RBFOX2: variants seen among roughly 807,000 people sequenced by gnomAD.
The protein encoded by RBFOX2 is RNA binding protein fox-1 homolog 2.
Under a neutral mutation model 49.1 loss-of-function variants are expected in RBFOX2, and 10 were observed. The ratio of observed to expected loss-of-function variants is 0.20; its 90% CI spans 0.13 to 0.35. RBFOX2 has a LOEUF of 0.35. RBFOX2 is among the 10% of genes least tolerant of loss of function. The probability of loss-of-function intolerance (pLI) is 1.00; values close to 1 mark genes in which losing one functional copy is unlikely to be tolerated. For missense variants in RBFOX2, 323 were observed against 486.9 expected (o/e 0.66, Z 3.17); for synonymous variants, 183 against 187.4 (o/e 0.98, Z 0.19).
At chr22:35,996,668 T>C (rs2058207002) in intron 1 of RBFOX2, 2 of 151,260 alleles carry the variant, frequency 1.3e-5, no homozygotes, top group South Asian at 4.2e-4. Context: ...CAAGACACCT[T>C]TGACTTGAAT....
intron 9 of RBFOX2, among the ~76,000 whole-genome samples, chr22:35,754,194 C>T (rs1473151946): frequency 6.6e-6 from 1 of 150,746 alleles, no homozygotes; most frequent in Non-Finnish European, 1.5e-5. Context: ...CAGGTTCATG[C>T]CATTCTCCTA....
chr22:35,976,343 C>A (rs557600478), intron 1 of RBFOX2, among the ~76,000 whole-genome samples: 154 of 152,138 alleles, frequency 1.0e-3, no homozygotes, highest in African/African-American at 1.5e-3. Flanking sequence ...ACCACCCCCC[C>A]CTCTTAATTC....
In RBFOX2 at chr22:35,756,089, C is replaced by T. The variant is rs953845834; in HGVS notation, c.887+3799G>A. The stretch of plus-strand genomic sequence containing the variant: ...TCAGGGGATGGGGTCGAGAAGGCCC[C>T]AGTGTGTGTACTTACATAGAGGTCA... On this transcript the variant is annotated intron_variant, in intron 9 of 11. Transcript: ENST00000405409. 1.4e-6 allele frequency: 2 copies of T among 1,401,950 alleles called. No homozygotes were observed. The highest frequency in any genetic ancestry group is 9.4e-7 in the Non-Finnish European group (1 of 1,066,236). 86.8% of individuals were successfully genotyped at this position (1,401,950 alleles called of 1,614,324 possible). A position where few individuals can be genotyped will look rare whatever the true frequency, so the allele number is the denominator to read the frequency against.
intron 1 of RBFOX2, among the ~76,000 whole-genome samples, chr22:35,956,685 C>T (rs1020207232): frequency 3.9e-5 from 6 of 151,950 alleles, no homozygotes; most frequent in South Asian, 2.1e-4. Context: ...ATAAAACGTC[C>T]GAATACCATA....
upstream of RBFOX2, among the ~76,000 whole-genome samples, chr22:35,941,568 T>C (rs948018050): frequency 6.6e-6 from 1 of 152,176 alleles, no homozygotes; most frequent in African/African-American, 2.4e-5. Context: ...TGATTCCATA[T>C]TATTCCCTTA....
intron 1 of RBFOX2, among the ~76,000 whole-genome samples, chr22:35,866,603 G>A (rs915693654): frequency 1.3e-5 from 2 of 152,112 alleles, no homozygotes; most frequent in Admixed American, 1.3e-4. Context: ...AAGGTTGAAA[G>A]AAGCAAGAAA....
At chr22:35,857,587 G>C (rs1287197667) in intron 1 of RBFOX2, among the ~76,000 whole-genome samples, 3 of 152,198 alleles carry the variant, frequency 2.0e-5, no homozygotes, top group Non-Finnish European at 2.9e-5. Context: ...AGCTAGAGGA[G>C]AGGTCAGGGT....
chr22:35,875,766 C>T (rs561880218), intron 1 of RBFOX2, among the ~76,000 whole-genome samples: 7 of 151,878 alleles, frequency 4.6e-5, no homozygotes, highest in African/African-American at 7.3e-5. Context: ...ATTCTCCTAG[C>T]GCCTCCTTAT....
At chr22:35,915,104 C>G (rs2050258542) in intron 1 of RBFOX2, among the ~76,000 whole-genome samples, 1 of 152,204 alleles carries the variant, frequency 6.6e-6, no homozygotes, top group African/African-American at 2.4e-5. Context: ...CGAACTCTGC[C>G]ATTTCGGAAA....
rs776333235 is a variant in RBFOX2, at chr22:35,778,008, A to G, written c.453+17T>C. 7 of 1,596,892 alleles carry G rather than the reference A, an allele frequency of 4.4e-6. No homozygotes were observed. Among genetic ancestry groups the G allele is most frequent in the Non-Finnish European group, 6.0e-6 (7 of 1,170,946 alleles). On this transcript the variant is annotated intron_variant, in intron 4 of 11. Transcript: ENST00000405409. ...CAAAAAGAAATCAAGCACACTTGAC[A>G]CTGAAATGGAGCTTACCTTAGAGCC...
intron 1 of RBFOX2, among the ~76,000 whole-genome samples, chr22:35,839,376 G>A (rs1192245965): frequency 3.3e-5 from 5 of 151,874 alleles, no homozygotes; most frequent in African/African-American, 1.2e-4. Flanking sequence ...ACCAAAAAGA[G>A]GCAGGGAGAA....
At chr22:35,825,474 A>G (rs1475821845) in intron 1 of RBFOX2, among the ~76,000 whole-genome samples, 1 of 151,962 alleles carries the variant, frequency 6.6e-6, no homozygotes, top group Non-Finnish European at 1.5e-5. Context: ...TGTATTCTTT[A>G]TATTATACTT....
chr22:35,767,578 G>A (rs1941394242), intron 5 of RBFOX2, among the ~76,000 whole-genome samples: 1 of 152,154 alleles, frequency 6.6e-6, no homozygotes, highest in African/African-American at 2.4e-5. Context: ...TTATCAAAAA[G>A]GGCTGGTGAA....
rs201371144 is a variant in RBFOX2, at chr22:35,930,040, G to C, written c.-34+8807C>G. Among the ~76,000 whole-genome samples, 86 of 33,578 alleles carry C rather than the reference G, an allele frequency of 2.6e-3. 1 individual carries two copies. In the East Asian group the frequency reaches 0.066, roughly 26 times the overall value. The allele number at this position is 33,578 out of a possible 152,430, so 22.0% of individuals were successfully genotyped here. A position where few individuals can be genotyped will look rare whatever the true frequency, so the allele number is the denominator to read the frequency against. On this transcript the variant is annotated intron_variant, in intron 1 of 13. Coordinates refer to the RBFOX2 transcript ENST00000359369. ...AACTTTTTTTTTTTTTTTTTTTTTT[G>C]AGACGGAGTCTCACTCTGTCGCCCA...
Position 35,761,329 on chromosome 22 carries a change from A to C in RBFOX2, c.662-35T>G, listed in dbSNP as rs770899007. On this transcript the variant is annotated intron_variant, in intron 7 of 11. Transcript: ENST00000405409. ...TTTTTAAAAAATTTAAAAATGCAAG[A>C]AGATTAAAAAGGAGTCACAAATTGA... 22 of 1,613,130 alleles carry C rather than the reference A, an allele frequency of 1.4e-5. No individual in the cohort carries two copies. The Admixed American group carries it at 2.7e-4, about 20-fold the overall frequency.
intron 1 of RBFOX2, among the ~76,000 whole-genome samples, chr22:35,819,459 T>C (rs950145990): frequency 2.6e-5 from 4 of 152,204 alleles, no homozygotes; most frequent in Admixed American, 6.5e-5. Flanking sequence ...CTCAACCTAA[T>C]GAACTCTCCA....
At chr22:35,754,343 G>A (rs958530548) in intron 9 of RBFOX2, among the ~76,000 whole-genome samples, 15 of 151,862 alleles carry the variant, frequency 9.9e-5, no homozygotes, top group Non-Finnish European at 1.9e-4. Flanking sequence ...TGCCCGCCTC[G>A]GCCTCCCAAA....
intron 1 of RBFOX2, among the ~76,000 whole-genome samples, chr22:35,880,152 A>G (rs75514211): frequency 2.1e-5 from 3 of 140,682 alleles, no homozygotes; most frequent in Admixed American, 1.4e-4. Flanking sequence ...GAGACTGAGG[A>G]AAAAAAAAAA....
chr22:36,028,473 C>A, exon 1 of RBFOX2: 2 of 1,145,358 alleles, frequency 1.7e-6, no homozygotes, highest in Non-Finnish European at 2.1e-6. Flanking sequence ...CCGCGACAGG[C>A]CACCTCCCCC....
Sources: gnomAD v4.1 joint callset for allele counts (sites outside exome capture counted in the v4.1 genomes callset) on GRCh38, gnomAD v4.1.1 for gene constraint, MANE v1.5 for transcripts, NCBI Gene and HGNC (gene_info 2026-07-23, HGNC 2026-07-21) for gene names.